The following CEP44 variants were observed in gnomAD, a reference collection of about 807,000 sequenced individuals.
The protein encoded by CEP44 is centrosomal protein of 44 kDa.
In CEP44, 45 loss-of-function variants were observed where a neutral mutation model predicts 46.7. The observed-to-expected ratio is 0.96, with a 90% CI of 0.76 to 1.24. The LOEUF is 1.24. Ranked by LOEUF, CEP44 falls within the 50% of genes most tolerant of loss-of-function variation. The pLI, the probability that CEP44 is intolerant of heterozygous loss-of-function variation, is 0.00. For synonymous variants in CEP44, 142 were observed against 146.0 expected, an observed-to-expected ratio of 0.97 and a Z score of 0.20; for missense variants, 475 against 459.7, an observed-to-expected ratio of 1.03 and a Z score of -0.30.
Position 174,312,602 on chromosome 4 carries a change from G to T in CEP44, c.961+1744G>T, listed in dbSNP as rs958814363. 6.6e-6 allele frequency among the ~76,000 whole-genome samples: 1 copy of T among 152,056 alleles called. No homozygotes were observed. On this transcript the variant is annotated intron_variant, in intron 9 of 11. Coordinates refer to ENST00000503780, the MANE Select transcript of CEP44 (RefSeq NM_001040157.3). The surrounding 1 kb of genome is among the most constrained non-coding windows in gnomAD (Gnocchi z 4.5). ...TACAGGTGTGAGTTAACATGTCCGG[G>T]TTCACATAGCTAAATTTCAACAACT... is the stretch of plus-strand genomic sequence containing the variant.
chr4:174,296,357 TA>T (rs1739008847), intron 1 of CEP44, among the ~76,000 whole-genome samples: 1 of 152,238 alleles, frequency 6.6e-6, no homozygotes, highest in African/African-American at 2.4e-5. Context: ...GTTTTTGTAT[TA>T]TGTCACAATT....
In CEP44 at chr4:174,297,421, C is replaced by G. The variant is rs745381745; in HGVS notation, c.-147-545C>G. On this transcript the variant is annotated intron_variant, in intron 1 of 11. Coordinates refer to ENST00000503780, the MANE Select transcript of CEP44 (RefSeq NM_001040157.3). This position sits in a 1 kb window ranked among gnomAD's most constrained non-coding sequence, Gnocchi z 4.3. ...CATATATTCAGTTTTAAACATGAGT[C>G]TCTAAGAAAAAAAGGTGCCTGGTTA... Among the ~76,000 whole-genome samples the G allele has an allele frequency of 1.3e-5, 2 of 152,090 alleles. No individual in the cohort carries two copies. The highest frequency in any genetic ancestry group is 2.4e-5 in the African/African-American group (1 of 41,422).
Position 174,316,568 on chromosome 4 carries a change from G to T in CEP44, c.1124+1G>T. ...AGAAAATGGAAAGGATGAAAAAAAT[G>T]TAAGTAACAGAAAGGGGCAACAGAA... On this transcript the variant is annotated splice_donor_variant, in intron 11 of 11. Transcript: ENST00000503780. LOFTEE classifies it high-confidence loss of function. 1 of 1,589,810 alleles carries T rather than the reference G, an allele frequency of 6.3e-7. No individual in the cohort carries two copies. Among genetic ancestry groups the T allele is most frequent in the East Asian group, 2.2e-5 (1 of 44,684 alleles).
At chr4:174,293,904 A>G (rs1378336576) in intron 1 of CEP44, among the ~76,000 whole-genome samples, 2 of 152,084 alleles carry the variant, frequency 1.3e-5, no homozygotes, top group African/African-American at 4.8e-5. Context: ...TCTCAGCCTT[A>G]AGTGTGGTGT....
Position 174,283,970 on chromosome 4 carries a change from T to C in CEP44, c.-148+27T>C, listed in dbSNP as rs1328927946. The C allele has an allele frequency of 7.5e-6, 3 of 399,498 alleles. No homozygotes were observed. The highest frequency in any genetic ancestry group is 1.3e-5 in the Non-Finnish European group (3 of 226,736). 24.7% of individuals were successfully genotyped at this position (399,498 alleles called of 1,614,324 possible). A position where few individuals can be genotyped will look rare whatever the true frequency, so the allele number is the denominator to read the frequency against. On this transcript the variant is annotated intron_variant, in intron 1 of 11. Transcript: ENST00000503780. The surrounding 1 kb of genome is among the most constrained non-coding windows in gnomAD (Gnocchi z 6.7). ...TGCGTGGCGGGCAGGAACCCACAAT[T>C]CCAAATACAAACGGTCGGCGCGAGA...
In CEP44 at chr4:174,319,454, T is replaced by G; in HGVS notation, c.*2071T>G. On this transcript the variant is annotated 3_prime_UTR_variant, in exon 12 of 12. Coordinates refer to ENST00000503780, the MANE Select transcript of CEP44 (RefSeq NM_001040157.3). ...TAATATTTTTTCCCTTTTGAAAAAT[T>G]CAATTTTAAAAAGAAACATTTTTGA... The G allele has an allele frequency of 1.0e-6, 1 of 975,014 alleles. No individual in the cohort carries two copies. Among genetic ancestry groups the G allele is most frequent in the African/African-American group, 1.8e-5 (1 of 57,124 alleles). 60.4% of individuals were successfully genotyped at this position (975,014 alleles called of 1,614,324 possible).
At chr4:174,304,485 C>G in intron 6 of CEP44, 116 bp downstream of exon 6, 1 of 1,396,730 alleles carries the variant, frequency 7.2e-7, no homozygotes, top group Non-Finnish European at 9.6e-7. Context: ...TATTGGAGTT[C>G]ATTGATTTTT....
intron 1 of CEP44, among the ~76,000 whole-genome samples, chr4:174,294,808 AC>A (rs1256033242): frequency 9.9e-6 from 1 of 101,108 alleles, no homozygotes. Context: ...TGGGGGGCTG[AC>A]CCCCCCACCT....
Position 174,301,965 on chromosome 4 carries a change from T to C in CEP44, c.90-74T>C, listed in dbSNP as rs541158552. The C allele has an allele frequency of 1.1e-4, 141 of 1,288,832 alleles. No homozygotes were observed. The African/African-American group carries it at 1.7e-3, about 16-fold the overall frequency. The allele number at this position is 1,288,832 out of a possible 1,614,324, so 79.8% of individuals were successfully genotyped here. A position where few individuals can be genotyped will look rare whatever the true frequency, so the allele number is the denominator to read the frequency against. On this transcript the variant is annotated intron_variant, in intron 3 of 11. Coordinates refer to ENST00000503780, the MANE Select transcript of CEP44 (RefSeq NM_001040157.3). The surrounding 1 kb of genome is among the most constrained non-coding windows in gnomAD (Gnocchi z 4.3). Reference sequence around the variant, plus strand: ...ATTATTATAAACATTTCTAATATTTTCTTGATTATCCAACTTTGTGGAATT... The same window carrying C: ...ATTATTATAAACATTTCTAATATTTCCTTGATTATCCAACTTTGTGGAATT...
At chr4:174,294,631 C>G (rs554499725) in intron 1 of CEP44, among the ~76,000 whole-genome samples, 4 of 148,826 alleles carry the variant, frequency 2.7e-5, no homozygotes, top group Non-Finnish European at 1.5e-5. Context: ...CGGGCAGAGG[C>G]GCCCCTCACC....
At chr4:174,296,587 A>G (rs2126552122) in intron 1 of CEP44, among the ~76,000 whole-genome samples, 1 of 152,218 alleles carries the variant, frequency 6.6e-6, no homozygotes, top group Middle Eastern at 3.4e-3. Context: ...CAGACATTGT[A>G]TGATTTATAC....
Position 174,301,792 on chromosome 4 carries a change from G to A in CEP44, c.90-247G>A, listed in dbSNP as rs1037603234. ...AGCTTTGGAAAATCAATGGTAAATA[G>A]TTGGTACTAGAGACCTATAGTAAGT... On this transcript the variant is annotated intron_variant, in intron 3 of 11. Coordinates refer to ENST00000503780, the MANE Select transcript of CEP44 (RefSeq NM_001040157.3). This position sits in a 1 kb window ranked among gnomAD's most constrained non-coding sequence, Gnocchi z 4.3. 4.6e-5 allele frequency among the ~76,000 whole-genome samples: 7 copies of A among 152,152 alleles called. No individual in the cohort carries two copies. The highest frequency in any genetic ancestry group is 1.4e-4 in the African/African-American group (6 of 41,446).
At chr4:174,308,234 C>G (rs565732483) in intron 6 of CEP44, among the ~76,000 whole-genome samples, 1 of 152,260 alleles carries the variant, frequency 6.6e-6, no homozygotes, top group East Asian at 1.9e-4. Flanking sequence ...CCTAAATGCC[C>G]ATCAATGATA....
Position 174,301,030 on chromosome 4 carries a change from A to G in CEP44, c.90-1009A>G, listed in dbSNP as rs1739646086. Among the ~76,000 whole-genome samples, 1 of 151,980 alleles carries G rather than the reference A, an allele frequency of 6.6e-6. No individual in the cohort carries two copies. The highest frequency in any genetic ancestry group is 1.5e-5 in the Non-Finnish European group (1 of 67,960). On this transcript the variant is annotated intron_variant, in intron 3 of 11. Coordinates refer to ENST00000503780, the MANE Select transcript of CEP44 (RefSeq NM_001040157.3). This position sits in a 1 kb window ranked among gnomAD's most constrained non-coding sequence, Gnocchi z 4.3. ...GAGGAGTTTTCTGATTGGGTGAAAT[A>G]TTACAGTATTTCAAAGAAACATAAA...
downstream of CEP44, among the ~76,000 whole-genome samples, chr4:174,324,489 C>G (rs1742527839): frequency 6.6e-6 from 1 of 152,088 alleles, no homozygotes; most frequent in Non-Finnish European, 1.5e-5. Context: ...ACTGGCTGGC[C>G]CATTTGCTTT....
At chr4:174,327,103 T>G (rs76084831) in intron 8 of CEP44, among the ~76,000 whole-genome samples, 4 of 150,190 alleles carry the variant, frequency 2.7e-5, no homozygotes, top group Non-Finnish European at 5.9e-5. Context: ...GACATTTACA[T>G]ATATATGTAT....
At position 174,318,582 on chromosome 4, in the gene CEP44, CTTCA is replaced by C; in HGVS notation, c.*1202_*1205del. The C allele has an allele frequency of 2.5e-6, 2 of 810,446 alleles. No individual in the cohort carries two copies. Among genetic ancestry groups the C allele is most frequent in the Non-Finnish European group, 3.0e-6 (2 of 671,666 alleles). 50.2% of individuals were successfully genotyped at this position (810,446 alleles called of 1,614,324 possible). On this transcript the variant is annotated 3_prime_UTR_variant, in exon 12 of 12. Coordinates refer to ENST00000503780, the MANE Select transcript of CEP44 (RefSeq NM_001040157.3). ...ATCAGAAAATCCTCAAGAAAATTGA[CTTCA>C]TTATTTGGAAGGAAAATTAGTATTT...
chr4:174,299,465 G>A (rs1452930012), intron 3 of CEP44, among the ~76,000 whole-genome samples: 8 of 152,104 alleles, frequency 5.3e-5, no homozygotes, highest in Non-Finnish European at 1.2e-4. Flanking sequence ...TATAATCTCT[G>A]TACAGCTTTT....
chr4:174,294,490 G>A (rs1301814624), intron 1 of CEP44, among the ~76,000 whole-genome samples: 27 of 151,278 alleles, frequency 1.8e-4, no homozygotes, highest in African/African-American at 5.6e-4. Context: ...TCCTTTCCCC[G>A]CCTTTCCCCC....
Sources: allele counts gnomAD v4.1 joint callset (sites outside exome capture counted in the v4.1 genomes callset), GRCh38; gene constraint gnomAD v4.1.1; non-coding constraint Gnocchi (gnomAD v3.1); transcripts MANE v1.5; gene names NCBI Gene and HGNC (gene_info 2026-07-23, HGNC 2026-07-21).